The following UBE2E2 variants were observed in gnomAD, a reference collection of about 807,000 sequenced individuals.
The protein encoded by UBE2E2 is ubiquitin-conjugating enzyme E2 E2.
UBE2E2 carries 6 observed loss-of-function variants against 24.7 expected under a neutral mutation model. The observed-to-expected ratio is 0.24, with a 90% confidence interval of 0.13 to 0.48. The LOEUF is 0.48. UBE2E2 is among the 20% of genes least tolerant of loss of function. The pLI, the probability that UBE2E2 is intolerant of heterozygous loss-of-function variation, is 0.99. For missense variants in UBE2E2, 169 were observed against 245.0 expected, an observed-to-expected ratio of 0.69 and a Z score of 2.07; for synonymous variants, 104 against 83.6, an observed-to-expected ratio of 1.24 and a Z score of -1.33.
At chr3:23,358,264 G>A (rs1246479094) in intron 3 of UBE2E2, among the ~76,000 whole-genome samples, 9 of 152,136 alleles carry the variant, frequency 5.9e-5, no homozygotes, top group Non-Finnish European at 2.9e-5. Flanking sequence ...CTCTCAGTCA[G>A]CAACTACTGA....
chr3:23,216,678 A>T (rs1264449232), intron 2 of UBE2E2, among the ~76,000 whole-genome samples: 2 of 148,136 alleles, frequency 1.4e-5, no homozygotes, highest in African/African-American at 2.5e-5. Context: ...GCAGGCTTAA[A>T]TTTTTTTTTT....
chr3:23,204,991 A>G (rs1287463768), intron 1 of UBE2E2, among the ~76,000 whole-genome samples: 1 of 152,218 alleles, frequency 6.6e-6, no homozygotes, highest in Non-Finnish European at 1.5e-5. Context: ...GTAGTCAGTA[A>G]TATTTCAAGC....
intron 3 of UBE2E2, among the ~76,000 whole-genome samples, chr3:23,334,749 A>G (rs567761646): frequency 1.3e-5 from 2 of 152,330 alleles, no homozygotes; most frequent in South Asian, 4.1e-4. Flanking sequence ...TCATGCCTCC[A>G]GGGCAGACCT....
At chr3:23,206,202 C>G (rs2125314177) in intron 1 of UBE2E2, among the ~76,000 whole-genome samples, 1 of 152,236 alleles carries the variant, frequency 6.6e-6, no homozygotes, top group Middle Eastern at 3.4e-3. Flanking sequence ...GAGGATTGTT[C>G]TCTTTTTCAC....
chr3:23,358,719 T>C (rs1696034296), intron 3 of UBE2E2, among the ~76,000 whole-genome samples: 1 of 152,214 alleles, frequency 6.6e-6, no homozygotes, highest in Non-Finnish European at 1.5e-5. Context: ...AGAACTGAAA[T>C]TAAGTATTTA....
chr3:23,285,032 A>C (rs1698584195), intron 3 of UBE2E2, among the ~76,000 whole-genome samples: 1 of 149,280 alleles, frequency 6.7e-6, no homozygotes. Context: ...GCCTCCCACT[A>C]CTCTCCCTAG....
chr3:23,304,008 T>G (rs1699177443), intron 3 of UBE2E2, among the ~76,000 whole-genome samples: 1 of 152,228 alleles, frequency 6.6e-6, no homozygotes, highest in Non-Finnish European at 1.5e-5. Context: ...TTAGCACAGC[T>G]ACTACTCTCC....
intron 3 of UBE2E2, among the ~76,000 whole-genome samples, chr3:23,233,238 T>G (rs2125333018): frequency 6.6e-6 from 1 of 152,328 alleles, no homozygotes; most frequent in African/African-American, 2.4e-5. Context: ...GGGGCAGGAT[T>G]GGACAGGAAT....
At chr3:23,462,782 G>T (rs898335701) in intron 3 of UBE2E2, among the ~76,000 whole-genome samples, 1 of 152,138 alleles carries the variant, frequency 6.6e-6, no homozygotes, top group Non-Finnish European at 1.5e-5. Flanking sequence ...TGATAGAAGA[G>T]TTACAGTTCT....
chr3:23,459,890 G>A (rs1429634559), intron 3 of UBE2E2, among the ~76,000 whole-genome samples: 1 of 151,912 alleles, frequency 6.6e-6, no homozygotes, highest in African/African-American at 2.4e-5. Flanking sequence ...TGCTGAAAGG[G>A]GAATGAAAAA....
At position 23,380,309 on chromosome 3, in the gene UBE2E2, T is replaced by C. The variant is rs1696637775; in HGVS notation, c.228-119299T>C. On this transcript the variant is annotated intron_variant, in intron 3 of 5. Transcript: ENST00000396703. ...GTCCTAGCTCACTGCAGCCTGGAGC[T>C]CTAGGGCTCAAGCGATTTTTCTGAG... is the stretch of plus-strand genomic sequence containing the variant. Among the ~76,000 whole-genome samples, 5 of 152,166 alleles carry C rather than the reference T, an allele frequency of 3.3e-5. No individual in the cohort carries two copies. In the South Asian group the frequency reaches 8.3e-4, roughly 25 times the overall value.
chr3:23,349,025 C>T (rs1695647013), intron 3 of UBE2E2, among the ~76,000 whole-genome samples: 1 of 152,134 alleles, frequency 6.6e-6, no homozygotes, highest in East Asian at 1.9e-4. Context: ...GTTGATAGTA[C>T]TGAGTGGGCT....
chr3:23,386,293 C>T (rs999721116), intron 3 of UBE2E2, among the ~76,000 whole-genome samples: 11 of 152,242 alleles, frequency 7.2e-5, no homozygotes, highest in South Asian at 4.2e-4. Context: ...GCACCCTCTC[C>T]GTGGCTCCTC....
At chr3:23,584,892 G>A (rs1019990042) in intron 5 of UBE2E2, among the ~76,000 whole-genome samples, 18 of 151,986 alleles carry the variant, frequency 1.2e-4, no homozygotes, top group African/African-American at 3.1e-4. Flanking sequence ...TCTTTCACTC[G>A]CTTGCAAATA....
intron 3 of UBE2E2, among the ~76,000 whole-genome samples, chr3:23,298,825 C>T (rs1575542864): frequency 6.6e-6 from 1 of 151,968 alleles, no homozygotes; most frequent in Non-Finnish European, 1.5e-5. Context: ...GGAGGATTCC[C>T]TCTTTTTCTA....
intron 3 of UBE2E2, among the ~76,000 whole-genome samples, chr3:23,297,709 GT>G (rs1698951094): frequency 6.6e-6 from 1 of 152,138 alleles, no homozygotes; most frequent in Admixed American, 6.5e-5. Context: ...ATAGTTTGAA[GT>G]CAGGTAGCAT....
chr3:23,359,598 C>A (rs1696058590), intron 3 of UBE2E2, among the ~76,000 whole-genome samples: 1 of 152,112 alleles, frequency 6.6e-6, no homozygotes, highest in South Asian at 2.1e-4. Context: ...AAATTTGTAG[C>A]ACGTTTAGAA....
chr3:23,386,088 T>G (rs957814154), intron 3 of UBE2E2, among the ~76,000 whole-genome samples: 1 of 152,090 alleles, frequency 6.6e-6, no homozygotes. Context: ...TTAACACTAT[T>G]TCATATAAGT....
Position 23,464,741 on chromosome 3 carries a change from A to G in UBE2E2, c.228-34867A>G, listed in dbSNP as rs1010955149. 7.2e-5 allele frequency among the ~76,000 whole-genome samples: 11 copies of G among 152,330 alleles called. 2 individuals carry two copies. Among genetic ancestry groups the G allele is most frequent in the Admixed American group, 1.3e-4 (2 of 15,292 alleles). Reference sequence around the variant, plus strand: ...TACTGTAATTATGGGATAATTAAATAACCTTTCTGAACTTCAGTTTCCTCA... The same window carrying G: ...TACTGTAATTATGGGATAATTAAATGACCTTTCTGAACTTCAGTTTCCTCA... On this transcript the variant is annotated intron_variant, in intron 3 of 5. Transcript: ENST00000396703.
Sources: allele counts gnomAD v4.1 joint callset (sites outside exome capture counted in the v4.1 genomes callset), GRCh38; gene constraint gnomAD v4.1.1; transcripts MANE v1.5; gene names NCBI Gene and HGNC (gene_info 2026-07-23, HGNC 2026-07-21).